Variants in ITSN1 observed in about 807,000 individuals in gnomAD.
The protein encoded by ITSN1 is intersectin 1.
In ITSN1, 58 loss-of-function variants were observed where a neutral mutation model predicts 239.8. The observed-to-expected ratio is 0.24, with a 90% CI of 0.20 to 0.30. The LOEUF is 0.30. Ranked by LOEUF, ITSN1 falls within the 10% of genes least tolerant of loss-of-function variation. The pLI is 1.00. For missense variants in ITSN1, 1,558 were observed against 2,103.3 expected (o/e 0.74, Z 5.07); for synonymous variants, 780 against 770.8 (o/e 1.01, Z -0.20).
Position 33,865,049 on chromosome 21 carries a change from C to A in ITSN1, c.3891-102C>A. On this transcript the variant is annotated intron_variant, in intron 31 of 39. Coordinates refer to ENST00000381318, the MANE Select transcript of ITSN1 (RefSeq NM_003024.3). The surrounding 1 kb of genome is among the most constrained non-coding windows in gnomAD (Gnocchi z 4.4). Reference sequence around the variant, plus strand: ...ATAGATCCTTTAGTGGCCCTTAAGGCTGTGCCCCTCACACACATTCTGTTT... The same window carrying A: ...ATAGATCCTTTAGTGGCCCTTAAGGATGTGCCCCTCACACACATTCTGTTT... The A allele has an allele frequency of 1.8e-6, 2 of 1,135,504 alleles. No homozygotes were observed. Among genetic ancestry groups the A allele is most frequent in the Non-Finnish European group, 2.5e-6 (2 of 805,762 alleles). 70.3% of individuals were successfully genotyped at this position (1,135,504 alleles called of 1,614,324 possible).
intron 20 of ITSN1, among the ~76,000 whole-genome samples, chr21:33,807,639 C>A (rs1377566804): frequency 6.6e-6 from 1 of 150,790 alleles, no homozygotes; most frequent in East Asian, 2.0e-4. Flanking sequence ...GTCTTATTAA[C>A]CAGTCAATAC....
At chr21:33,783,752 G>T (rs1379152560) in intron 16 of ITSN1, among the ~76,000 whole-genome samples, 3 of 150,926 alleles carry the variant, frequency 2.0e-5, no homozygotes, top group Admixed American at 6.6e-5. Flanking sequence ...AGTCTCTTGG[G>T]ATATAAACTG....
chr21:33,838,043 A>AT (rs2074687237), intron 29 of ITSN1: 1 of 985,832 alleles, frequency 1.0e-6, no homozygotes, highest in Non-Finnish European at 1.2e-6. Context: ...CAATGTTTAC[A>AT]TTTTTTAACT....
intron 21 of ITSN1, among the ~76,000 whole-genome samples, chr21:33,811,878 A>T (rs1233075216): frequency 6.6e-6 from 1 of 152,240 alleles, no homozygotes; most frequent in Non-Finnish European, 1.5e-5. Flanking sequence ...AATATTTTAT[A>T]CTAGGATACA....
At chr21:33,833,376 G>A (rs991847673) in intron 27 of ITSN1, among the ~76,000 whole-genome samples, 3 of 152,188 alleles carry the variant, frequency 2.0e-5, no homozygotes, top group African/African-American at 7.2e-5. Context: ...TGTGTGTACT[G>A]CATGTATGTC....
intron 29 of ITSN1, chr21:33,838,272 TCTC>T: frequency 1.0e-6 from 1 of 985,372 alleles, no homozygotes; most frequent in African/African-American, 1.7e-5. Context: ...CCCCTCGCGT[TCTC>T]CCGGCGCTGT....
At chr21:33,775,307 C>T (rs1241120202) in intron 14 of ITSN1, among the ~76,000 whole-genome samples, 199 bp downstream of exon 14, 2 of 152,218 alleles carry the variant, frequency 1.3e-5, no homozygotes, top group Non-Finnish European at 2.9e-5. Flanking sequence ...TTACTGAGCA[C>T]TGCTTCGGGC....
At chr21:33,806,342 G>T (rs1484359918) in intron 20 of ITSN1, among the ~76,000 whole-genome samples, 1 of 152,196 alleles carries the variant, frequency 6.6e-6, no homozygotes, top group Non-Finnish European at 1.5e-5. Context: ...CTGTCAGCTG[G>T]TCTGAATACA....
intron 29 of ITSN1, chr21:33,838,306 C>G: frequency 1.0e-6 from 1 of 985,326 alleles, no homozygotes; most frequent in Non-Finnish European, 1.2e-6. Context: ...TGCTGGTGGT[C>G]GTGTAGAGGT....
At chr21:33,820,108 A>C (rs1211593984) in intron 24 of ITSN1, among the ~76,000 whole-genome samples, 1 of 152,366 alleles carries the variant, frequency 6.6e-6, no homozygotes, top group East Asian at 1.9e-4. Flanking sequence ...GTGCTCCATG[A>C]AAACAATCAA....
intron 1 of ITSN1, among the ~76,000 whole-genome samples, chr21:33,680,392 C>T (rs7282159): frequency 0.042 from 6,254 of 150,080 alleles, 441 homozygotes; most frequent in African/African-American, 0.15. Flanking sequence ...AATGCAATGG[C>T]GCAATCTCGG....
Position 33,897,766 on chromosome 21 carries a change from A to G in ITSN1, c.*9466A>G, listed in dbSNP as rs1168407017. The G allele has an allele frequency of 3.9e-5, 6 of 152,236 alleles. No homozygotes were observed. Among genetic ancestry groups the G allele is most frequent in the Admixed American group, 3.9e-4 (6 of 15,286 alleles). 9.4% of individuals were successfully genotyped at this position (152,236 alleles called of 1,614,324 possible). ...TGAGAGTATTTTAGGAATCTAATTTAAGTGCATAAAACTATAGAAAAAAAT... is the reference window on the plus strand; with the variant it reads ...TGAGAGTATTTTAGGAATCTAATTTGAGTGCATAAAACTATAGAAAAAAAT... On this transcript the variant is annotated 3_prime_UTR_variant, in exon 40 of 40. Transcript: ENST00000381318.
At position 33,883,649 on chromosome 21, in the gene ITSN1, C is replaced by T; in HGVS notation, c.4654C>T (p.Arg1552Ter). ...CCACATTGACCGCGTCTATACTCTC[C>T]GAGCAGAAAGCATAAATGAAAGGTG... ...ISHIDRVYTL[R>*]AESINERTAW... The change falls in exon 36 of 40, where the codon CGA becomes TGA. Residue 1552 changes from arginine to a stop codon, truncating the protein, a stop_gained. Coordinates refer to ENST00000381318, the MANE Select transcript of ITSN1 (RefSeq NM_003024.3). LOFTEE classifies it high-confidence loss of function. 1.9e-6 allele frequency: 3 copies of T among 1,613,580 alleles called. No individual in the cohort carries two copies. The highest frequency in any genetic ancestry group is 1.3e-5 in the African/African-American group (1 of 75,024).
At chr21:33,715,898 CGGAG>C (rs2065107727) in intron 1 of ITSN1, among the ~76,000 whole-genome samples, 1 of 151,888 alleles carries the variant, frequency 6.6e-6, no homozygotes, top group Non-Finnish European at 1.5e-5. Flanking sequence ...AGCCTGGGGA[CGGAG>C]TGAGACTCTG....
At chr21:33,651,471 A>G (rs1299383585) in intron 1 of ITSN1, among the ~76,000 whole-genome samples, 2 of 152,214 alleles carry the variant, frequency 1.3e-5, no homozygotes, top group South Asian at 4.1e-4. Flanking sequence ...GTGAGGTCTC[A>G]GGAATGGTTT....
At chr21:33,713,854 A>G (rs1436220004) in intron 1 of ITSN1, among the ~76,000 whole-genome samples, 1 of 11,038 alleles carries the variant, frequency 9.1e-5, no homozygotes, top group African/African-American at 3.1e-4. Context: ...TTTTTTTTTG[A>G]GACGGAGTCT....
chr21:33,748,028 CAT>C (rs1218149200), intron 5 of ITSN1, among the ~76,000 whole-genome samples: 7 of 152,088 alleles, frequency 4.6e-5, no homozygotes, highest in Admixed American at 4.6e-4. Flanking sequence ...GGGCTTATAA[CAT>C]ATTATAATGT....
intron 28 of ITSN1, among the ~76,000 whole-genome samples, chr21:33,835,078 C>T (rs1189286275): frequency 6.6e-6 from 1 of 152,154 alleles, no homozygotes; most frequent in East Asian, 1.9e-4. Context: ...GTCTTTAAGC[C>T]ATCATTCTTG....
At chr21:33,779,214 T>C (rs2069940490) in intron 14 of ITSN1, among the ~76,000 whole-genome samples, 1 of 152,074 alleles carries the variant, frequency 6.6e-6, no homozygotes. Context: ...TCCATTTACT[T>C]ATTTGGGGTT....
Sources: allele counts gnomAD v4.1 joint callset (sites outside exome capture counted in the v4.1 genomes callset), GRCh38; gene constraint gnomAD v4.1.1; non-coding constraint Gnocchi (gnomAD v3.1); transcripts MANE v1.5; gene names NCBI Gene and HGNC (gene_info 2026-07-23, HGNC 2026-07-21).